Variants in CNTN5 observed in about 807,000 individuals in gnomAD.
CNTN5 encodes the protein contactin 5.
In CNTN5, 77 loss-of-function variants were observed where a neutral mutation model predicts 129.1. The ratio of observed to expected loss-of-function variants is 0.60; its 90% CI spans 0.50 to 0.72. CNTN5 has a LOEUF of 0.72. Ranked by LOEUF, CNTN5 falls within the 30% of genes least tolerant of loss-of-function variation. The probability of loss-of-function intolerance (pLI) is 0.00; values close to 1 mark genes in which losing one functional copy is unlikely to be tolerated. For synonymous variants in CNTN5, 509 were observed against 465.6 expected (o/e 1.09, Z -1.20); for missense variants, 1,478 against 1,328.8 (o/e 1.11, Z -1.75).
intron 1 of CNTN5, among the ~76,000 whole-genome samples, chr11:99,076,338 C>CA (rs201948808): frequency 0.019 from 2,884 of 151,002 alleles, 40 homozygotes; most frequent in Non-Finnish European, 0.028. Flanking sequence ...AAAAACAAAA[C>CA]AAAACAAAAA....
intron 3 of CNTN5, among the ~76,000 whole-genome samples, chr11:99,736,427 T>G (rs1456259092): frequency 6.6e-6 from 1 of 152,156 alleles, no homozygotes; most frequent in South Asian, 2.1e-4. Context: ...AAGAAGGGGT[T>G]GGAGTGTGAA....
intron 8 of CNTN5, among the ~76,000 whole-genome samples, chr11:99,972,727 C>G (rs76544426): frequency 2.0e-4 from 30 of 152,254 alleles, no homozygotes; most frequent in African/African-American, 7.0e-4. Context: ...AATGCACCAT[C>G]TGGACATACC....
chr11:99,112,374 C>T (rs1857840487), intron 1 of CNTN5, among the ~76,000 whole-genome samples: 2 of 151,994 alleles, frequency 1.3e-5, no homozygotes, highest in South Asian at 4.1e-4. Flanking sequence ...CCTAGGAAAT[C>T]AGCTTATTTG....
At chr11:99,786,861 G>T (rs1351658034) in intron 3 of CNTN5, among the ~76,000 whole-genome samples, 1 of 152,128 alleles carries the variant, frequency 6.6e-6, no homozygotes, top group Non-Finnish European at 1.5e-5. Context: ...ACTGAAGATG[G>T]ATTAGAGATT....
chr11:99,737,547 T>A (rs140618265), intron 3 of CNTN5, among the ~76,000 whole-genome samples: 39 of 152,252 alleles, frequency 2.6e-4, no homozygotes, highest in African/African-American at 8.9e-4. Flanking sequence ...GGTCTCTGTT[T>A]TGCAGTTTAT....
intron 16 of CNTN5, among the ~76,000 whole-genome samples, chr11:100,236,687 G>A (rs1301071616): frequency 6.6e-6 from 1 of 152,030 alleles, no homozygotes; most frequent in East Asian, 1.9e-4. Flanking sequence ...GACTGTAGCT[G>A]CCTTTCCTCT....
intron 3 of CNTN5, among the ~76,000 whole-genome samples, chr11:99,557,273 A>G (rs1274799699): frequency 6.6e-6 from 1 of 151,306 alleles, no homozygotes; most frequent in Admixed American, 6.6e-5. Flanking sequence ...ATACATATAT[A>G]TGAGGATAAC....
At chr11:100,326,978 G>A (rs541861601) in intron 21 of CNTN5, among the ~76,000 whole-genome samples, 1 of 152,218 alleles carries the variant, frequency 6.6e-6, no homozygotes, top group African/African-American at 2.4e-5. Flanking sequence ...AGATGCAGAA[G>A]TATAGAGACT....
At chr11:100,286,495 C>CAT (rs1950796628) in intron 18 of CNTN5, among the ~76,000 whole-genome samples, 1 of 150,390 alleles carries the variant, frequency 6.6e-6, no homozygotes, top group Non-Finnish European at 1.5e-5. Flanking sequence ...AGCAGGGGCA[C>CAT]ACTGACACCT....
At chr11:99,640,255 T>A (rs905061236) in intron 3 of CNTN5, among the ~76,000 whole-genome samples, 1 of 152,212 alleles carries the variant, frequency 6.6e-6, no homozygotes, top group Non-Finnish European at 1.5e-5. Flanking sequence ...TCTCTACTGG[T>A]ACCGATACAC....
At chr11:99,975,114 CAT>C (rs1002751293) in intron 8 of CNTN5, among the ~76,000 whole-genome samples, 1 of 152,112 alleles carries the variant, frequency 6.6e-6, no homozygotes, top group African/African-American at 2.4e-5. Flanking sequence ...AAATAAAAGA[CAT>C]AGCCTCAAGA....
chr11:100,079,359 T>C (rs1388488363), intron 13 of CNTN5, among the ~76,000 whole-genome samples: 1 of 152,188 alleles, frequency 6.6e-6, no homozygotes, highest in East Asian at 1.9e-4. Flanking sequence ...TTCCAAGGAC[T>C]AAAGGAGTCT....
At chr11:100,265,395 C>T (rs1035452336) in intron 17 of CNTN5, among the ~76,000 whole-genome samples, 2 of 152,118 alleles carry the variant, frequency 1.3e-5, no homozygotes, top group African/African-American at 4.8e-5. Context: ...GTACCATGCT[C>T]ATTCTCACAA....
At chr11:99,079,898 C>G (rs553309768) in intron 1 of CNTN5, among the ~76,000 whole-genome samples, 3 of 152,178 alleles carry the variant, frequency 2.0e-5, no homozygotes, top group Non-Finnish European at 4.4e-5. Context: ...CTTGCACATG[C>G]CTGCATGCCA....
intron 1 of CNTN5, among the ~76,000 whole-genome samples, chr11:99,170,630 A>T (rs888830098): frequency 6.6e-6 from 1 of 152,208 alleles, no homozygotes; most frequent in South Asian, 2.1e-4. Flanking sequence ...TTAAAACAGC[A>T]TATGTTTCTA....
At chr11:99,763,282 C>T (rs2135290389) in intron 3 of CNTN5, among the ~76,000 whole-genome samples, 1 of 152,166 alleles carries the variant, frequency 6.6e-6, no homozygotes, top group East Asian at 1.9e-4. Context: ...TGTAGTCCAT[C>T]CTTTACCATA....
At chr11:99,477,784 T>TAA (rs371689469) in intron 2 of CNTN5, among the ~76,000 whole-genome samples, 28 of 136,984 alleles carry the variant, frequency 2.0e-4, no homozygotes, top group African/African-American at 7.1e-4. Context: ...ACCCCATCTC[T>TAA]AAAAAAAAAA....
intron 1 of CNTN5, among the ~76,000 whole-genome samples, chr11:99,056,052 G>A (rs1358592146): frequency 1.3e-5 from 2 of 151,920 alleles, no homozygotes; most frequent in African/African-American, 2.4e-5. Flanking sequence ...CCTGTTTCAC[G>A]CTCCAGTAAC....
intron 2 of CNTN5, among the ~76,000 whole-genome samples, chr11:99,417,875 T>C (rs973209796): frequency 6.6e-6 from 1 of 152,174 alleles, no homozygotes; most frequent in Non-Finnish European, 1.5e-5. Context: ...AGCATTCAGT[T>C]GAGTGCAATG....
Sources: gnomAD v4.1 joint callset for allele counts (sites outside exome capture counted in the v4.1 genomes callset) on GRCh38, gnomAD v4.1.1 for gene constraint, MANE v1.5 for transcripts, NCBI Gene and HGNC (gene_info 2026-07-23, HGNC 2026-07-21) for gene names.